RAB44: variants seen among roughly 807,000 people sequenced by gnomAD.
RAB44 encodes ras-related protein Rab-44.
A neutral mutation model predicts 93.3 loss-of-function variants in RAB44; 67 were observed. The observed-to-expected ratio is 0.72, with a 90% CI of 0.59 to 0.88. The LOEUF (loss-of-function observed/expected upper bound fraction) is 0.88. RAB44 is among the 40% of genes least tolerant of loss of function. RAB44 has a pLI of 0.00. For missense variants in RAB44, 1,064 were observed against 1,261.7 expected, an observed-to-expected ratio of 0.84 and a Z score of 2.37; for synonymous variants, 427 against 520.3, an observed-to-expected ratio of 0.82 and a Z score of 2.44.
Position 36,728,725 on chromosome 6 carries a change from T to C in RAB44, c.2822T>C (p.Ile941Thr). The change falls in exon 12 of 14, where the codon ATC becomes ACC. Residue 941 changes from isoleucine to threonine, a missense_variant. Transcript: ENST00000612677. Reference protein sequence around the residue: ...LQDAGSDGVVILLLGNKMDCE... With the variant: ...LQDAGSDGVVTLLLGNKMDCE... The stretch of plus-strand genomic sequence containing the variant: ...GATGCAGGGTCGGATGGGGTGGTCA[T>C]CCTTCTCCTGGGAAACAAGATGGAC... 2 of 1,550,518 alleles carry C rather than the reference T, an allele frequency of 1.3e-6. No homozygotes were observed. The highest frequency in any genetic ancestry group is 1.7e-6 in the Non-Finnish European group (2 of 1,146,950).
intron 2 of RAB44, among the ~76,000 whole-genome samples, chr6:36,709,490 TTTTG>T (rs1290793446): frequency 1.3e-5 from 2 of 152,140 alleles, no homozygotes; most frequent in Non-Finnish European, 2.9e-5. Context: ...GCAGACAAAG[TTTTG>T]TTTGTCTGTC....
At chr6:36,724,770 A>G (rs955877510) in intron 9 of RAB44, among the ~76,000 whole-genome samples, 14 of 152,142 alleles carry the variant, frequency 9.2e-5, no homozygotes, top group Non-Finnish European at 1.9e-4. Context: ...ATCTGTCCCA[A>G]TCCCAAGCTA....
At chr6:36,719,145 G>A (rs542781885) in intron 7 of RAB44, among the ~76,000 whole-genome samples, 6 of 152,244 alleles carry the variant, frequency 3.9e-5, no homozygotes, top group Non-Finnish European at 7.4e-5. Context: ...CTGACCTTGT[G>A]ATCAGCGCCC....
chr6:36,730,708 C>T lies in RAB44; in HGVS notation c.2934C>T (p.Ala978=), dbSNP rs978332433. The change falls in exon 13 of 14, where the codon GCC becomes GCT. Residue 978 remains alanine, a synonymous_variant. Transcript: ENST00000612677. ...LGVYFGECSA[A]LGHNILEPVV... is the part of the protein sequence containing the mutation. The stretch of plus-strand genomic sequence containing the variant: ...TCTATTTTGGGGAGTGCAGTGCCGC[C>T]TTGGGTCACAACATCCTGGAGCCTG... 2 of 1,234,268 alleles carry T rather than the reference C, an allele frequency of 1.6e-6. No individual in the cohort carries two copies. Among genetic ancestry groups the T allele is most frequent in the Non-Finnish European group, 2.0e-6 (2 of 988,334 alleles). The allele number at this position is 1,234,268 out of a possible 1,614,324, so 76.5% of individuals were successfully genotyped here. A position where few individuals can be genotyped will look rare whatever the true frequency, so the allele number is the denominator to read the frequency against.
intron 9 of RAB44, 122 bp from the exon 10 acceptor site, chr6:36,725,740 C>T (rs980961865): frequency 7.2e-6 from 5 of 692,676 alleles, no homozygotes; most frequent in African/African-American, 1.8e-5. Flanking sequence ...AGGGGAAGCC[C>T]GGCAGCCAAG....
Position 36,721,586 on chromosome 6 carries a change from C to G in RAB44, c.1452C>G (p.Leu484=). 8.1e-7 allele frequency: 1 copy of G among 1,234,556 alleles called. No homozygotes were observed. Among genetic ancestry groups the G allele is most frequent in the East Asian group, 3.2e-5 (1 of 31,712 alleles). The allele number at this position is 1,234,556 out of a possible 1,614,324, so 76.5% of individuals were successfully genotyped here. Residue 484 remains leucine (L), a synonymous_variant, in exon 9 of 14, where the codon CTC becomes CTG. Transcript: ENST00000612677. ...CCGAGGGCCGCCTCCTCTGGGGTCT[C>G]TCAGGAAGCCTGGTGGCACCTGCAT... The part of the protein sequence containing the change: ...STPEGRLLWG[L]SGSLVAPAFK...
At chr6:36,729,061 G>T (rs901936777) in intron 12 of RAB44, among the ~76,000 whole-genome samples, 1 of 152,142 alleles carries the variant, frequency 6.6e-6, no homozygotes, top group African/African-American at 2.4e-5. Flanking sequence ...CCTCACTGTT[G>T]AATTAGCACA....
chr6:36,728,437 AGGCAGGAAGAGAGGACATG>A (rs1218162854), intron 11 of RAB44, among the ~76,000 whole-genome samples: 1 of 152,242 alleles, frequency 6.6e-6, no homozygotes. Context: ...TGTTCAGAAC[AGGCAGGAAGAGAGGACATG>A]GGCAGGAACA....
chr6:36,703,616 G>C (rs76574474), intron 1 of RAB44, among the ~76,000 whole-genome samples: 1 of 152,020 alleles, frequency 6.6e-6, no homozygotes, highest in Non-Finnish European at 1.5e-5. Flanking sequence ...GCCATGTCAC[G>C]TGGGGCCCTA....
chr6:36,702,025 T>C (rs1197529914), intron 1 of RAB44, among the ~76,000 whole-genome samples: 1 of 151,850 alleles, frequency 6.6e-6, no homozygotes, highest in Non-Finnish European at 1.5e-5. Context: ...CTTATGTGCA[T>C]GATAGAGGGT....
chr6:36,705,856 C>A (rs770782997), intron 2 of RAB44, among the ~76,000 whole-genome samples: 1 of 151,098 alleles, frequency 6.6e-6, no homozygotes. Flanking sequence ...TCTGTCTGGA[C>A]GCTTTCATAC....
At chr6:36,703,288 C>G (rs1191051311) in intron 1 of RAB44, among the ~76,000 whole-genome samples, 1 of 152,164 alleles carries the variant, frequency 6.6e-6, no homozygotes, top group Non-Finnish European at 1.5e-5. Context: ...GGCCCCATCG[C>G]CCAACACTGC....
At chr6:36,709,913 G>A (rs1384120925) in intron 2 of RAB44, among the ~76,000 whole-genome samples, 2 of 151,910 alleles carry the variant, frequency 1.3e-5, no homozygotes, top group Non-Finnish European at 1.5e-5. Flanking sequence ...AAGAACTAAG[G>A]GTAAATAATT....
Position 36,720,973 on chromosome 6 carries a change from G to A in RAB44, c.1017-178G>A, listed in dbSNP as rs968150800. Among the ~76,000 whole-genome samples the A allele has an allele frequency of 4.7e-4, 71 of 152,202 alleles. 2 individuals carry two copies. On this transcript the variant is annotated intron_variant, in intron 8 of 13. Transcript: ENST00000612677. The stretch of plus-strand genomic sequence containing the variant: ...TTCATGTGGGTCTTGAGGATGGACA[G>A]GATTGGATGAGGAGGAGGAATGGGG...
At chr6:36,730,792 C>T in intron 13 of RAB44, 43 bp downstream of exon 13, 2 of 1,019,906 alleles carry the variant, frequency 2.0e-6, no homozygotes, top group Non-Finnish European at 2.5e-6. Context: ...CCCCCCCTTG[C>T]AGAATCCTCT....
At position 36,732,353 on chromosome 6, in the gene RAB44, C is replaced by A; in HGVS notation, c.*260C>A. ...TCCAAACAAAGAAAGTCTAGAAAAA[C>A]GACTTAAGGAAAATACACCAAAATA... On this transcript the variant is annotated 3_prime_UTR_variant, in exon 14 of 14. Coordinates refer to ENST00000612677, the MANE Select transcript of RAB44 (RefSeq NM_001257357.2). 1 of 290,412 alleles carries A rather than the reference C, an allele frequency of 3.4e-6. No individual in the cohort carries two copies. Among genetic ancestry groups the A allele is most frequent in the Non-Finnish European group, 6.3e-6 (1 of 158,660 alleles). 18.0% of individuals were successfully genotyped at this position (290,412 alleles called of 1,614,324 possible).
At chr6:36,712,806 A>T (rs1762819483) in intron 2 of RAB44, among the ~76,000 whole-genome samples, 1 of 152,254 alleles carries the variant, frequency 6.6e-6, no homozygotes, top group African/African-American at 2.4e-5. Flanking sequence ...GAGATCACCA[A>T]ATAGAACATA....
chr6:36,710,669 A>G (rs540364716), intron 2 of RAB44, among the ~76,000 whole-genome samples: 5 of 139,994 alleles, frequency 3.6e-5, no homozygotes, highest in Non-Finnish European at 7.5e-5. Flanking sequence ...TCCAGGCTGG[A>G]GTGCAGTGGC....
chr6:36,699,958 G>A (rs1279939500), intron 1 of RAB44, among the ~76,000 whole-genome samples: 1 of 152,144 alleles, frequency 6.6e-6, no homozygotes, highest in South Asian at 2.1e-4. Flanking sequence ...TGTGCCAAGC[G>A]CTGTTCTAGG....
Sources: allele counts gnomAD v4.1 joint callset (sites outside exome capture counted in the v4.1 genomes callset), GRCh38; gene constraint gnomAD v4.1.1; transcripts MANE v1.5; gene names NCBI Gene and HGNC (gene_info 2026-07-23, HGNC 2026-07-21).